PRKCA: variants seen among roughly 807,000 people sequenced by gnomAD.
The protein encoded by PRKCA is protein kinase C alpha.
PRKCA carries 27 observed loss-of-function variants against 87.0 expected under a neutral mutation model. The ratio of observed to expected loss-of-function variants is 0.31; its 90% CI spans 0.23 to 0.43. The LOEUF (loss-of-function observed/expected upper bound fraction) is 0.43, where lower values mean the gene tolerates loss of function less well. Among genes scored for constraint, PRKCA ranks in the 20% least tolerant of loss-of-function variants. The pLI is 1.00. For missense variants in PRKCA, 518 were observed against 852.3 expected (o/e 0.61, Z 4.88); for synonymous variants, 329 against 311.1 (o/e 1.06, Z -0.61).
At chr17:66,578,376 C>T (rs572881282) in intron 3 of PRKCA, among the ~76,000 whole-genome samples, 88 of 152,220 alleles carry the variant, frequency 5.8e-4, no homozygotes, top group Non-Finnish European at 1.1e-3. Context: ...AGCCTGAAGT[C>T]CTTGGCGAAG....
At chr17:66,408,791 C>T (rs555193626) in intron 2 of PRKCA, among the ~76,000 whole-genome samples, 1 of 152,142 alleles carries the variant, frequency 6.6e-6, no homozygotes, top group Non-Finnish European at 1.5e-5. Flanking sequence ...CGGTGGCTTG[C>T]ACCTGTAATC....
At chr17:66,581,051 A>C (rs1334996203) in intron 3 of PRKCA, among the ~76,000 whole-genome samples, 1 of 152,236 alleles carries the variant, frequency 6.6e-6, no homozygotes. Flanking sequence ...CATGCTTGGC[A>C]CAGAGCCACT....
chr17:66,354,358 C>T (rs1445366009), intron 2 of PRKCA, among the ~76,000 whole-genome samples: 6 of 152,216 alleles, frequency 3.9e-5, no homozygotes, highest in Non-Finnish European at 7.3e-5. Context: ...TCTGGGTCCT[C>T]ACCTCTGCAT....
chr17:66,562,595 G>T (rs183453), intron 3 of PRKCA, among the ~76,000 whole-genome samples: 13,691 of 117,164 alleles, frequency 0.12, 690 homozygotes, highest in East Asian at 0.21. Context: ...GTTTTTTTTT[G>T]TTGTTGTTGT....
rs755594670 is a variant in PRKCA, at chr17:66,560,131, G to A, written c.288+63848G>A. Among the ~76,000 whole-genome samples, 23 of 152,170 alleles carry A rather than the reference G, an allele frequency of 1.5e-4. 2 individuals carry two copies. Among genetic ancestry groups the A allele is most frequent in the South Asian group, 1.0e-3 (5 of 4,832 alleles). Reference sequence around the variant, plus strand: ...AAATGGTGATCAATCCCTGTGCATTGGAGAGCTGATGGGGGTGTGCTTGGC... The same window carrying A: ...AAATGGTGATCAATCCCTGTGCATTAGAGAGCTGATGGGGGTGTGCTTGGC... On this transcript the variant is annotated intron_variant, in intron 3 of 16. Transcript: ENST00000413366.
At chr17:66,392,455 CA>C (rs993728001) in intron 2 of PRKCA, among the ~76,000 whole-genome samples, 9 of 152,144 alleles carry the variant, frequency 5.9e-5, no homozygotes, top group African/African-American at 2.2e-4. Flanking sequence ...ACTATCTCCT[CA>C]AAAAACTCAT....
chr17:66,480,392 G>A (rs1264920869), intron 2 of PRKCA, among the ~76,000 whole-genome samples: 1 of 152,076 alleles, frequency 6.6e-6, no homozygotes, highest in African/African-American at 2.4e-5. Context: ...GTGTATTATG[G>A]CTTCTTTTTG....
chr17:66,459,997 C>T (rs918735727), intron 2 of PRKCA, among the ~76,000 whole-genome samples: 6 of 152,244 alleles, frequency 3.9e-5, no homozygotes, highest in African/African-American at 1.4e-4. Context: ...TTTTCCATCC[C>T]GCTCACTGGA....
intron 2 of PRKCA, among the ~76,000 whole-genome samples, chr17:66,411,784 G>T (rs1392968550): frequency 6.6e-6 from 1 of 152,104 alleles, no homozygotes; most frequent in Non-Finnish European, 1.5e-5. Context: ...TCACTTGAGA[G>T]TGGCCTTGAT....
intron 2 of PRKCA, among the ~76,000 whole-genome samples, chr17:66,390,712 A>G (rs1203389402): frequency 6.6e-6 from 1 of 152,216 alleles, no homozygotes; most frequent in African/African-American, 2.4e-5. Context: ...AAGGAGCTTC[A>G]TGGGGACTTC....
At chr17:66,433,041 C>CG (rs956743825) in intron 2 of PRKCA, among the ~76,000 whole-genome samples, 1 of 152,024 alleles carries the variant, frequency 6.6e-6, no homozygotes, top group Admixed American at 6.6e-5. Context: ...TGCAGTTAGC[C>CG]GGGGGGAAGG....
Position 66,788,821 on chromosome 17 carries a change from T to C in PRKCA, c.1714-18T>C, listed in dbSNP as rs73994621. ...CCCTTGACATCCATTGTTCTCCTTT[T>C]CTCCTTTTCCTTTCTAGCTGATGAC... On this transcript the variant is annotated intron_variant, in intron 15 of 16. Coordinates refer to ENST00000413366, the MANE Select transcript of PRKCA (RefSeq NM_002737.3). 148,153 of 1,608,214 alleles carry C rather than the reference T, an allele frequency of 0.092. 9,414 individuals are homozygous for C. The highest frequency in any genetic ancestry group is 0.32 in the African/African-American group (23,587 of 74,168).
chr17:66,452,968 C>T (rs538405573), intron 2 of PRKCA, among the ~76,000 whole-genome samples: 1 of 152,362 alleles, frequency 6.6e-6, no homozygotes, highest in South Asian at 2.1e-4. Flanking sequence ...CCCCATTGAG[C>T]TTGTAGCATC....
chr17:66,311,733 G>A (rs1292590178), intron 2 of PRKCA, among the ~76,000 whole-genome samples: 2 of 152,216 alleles, frequency 1.3e-5, no homozygotes, highest in Non-Finnish European at 2.9e-5. Flanking sequence ...CTAGTGTTGA[G>A]TGTTCCCATT....
At chr17:66,450,231 C>T (rs1914242047) in intron 2 of PRKCA, among the ~76,000 whole-genome samples, 1 of 152,076 alleles carries the variant, frequency 6.6e-6, no homozygotes, top group Admixed American at 6.6e-5. Context: ...CGGGGGCCAG[C>T]AGAGCCAAGT....
intron 2 of PRKCA, among the ~76,000 whole-genome samples, chr17:66,357,039 C>T (rs1263709734): frequency 2.6e-5 from 4 of 152,176 alleles, no homozygotes; most frequent in Non-Finnish European, 4.4e-5. Context: ...GGATTATAGG[C>T]GTGAGCCACC....
intron 2 of PRKCA, among the ~76,000 whole-genome samples, chr17:66,495,212 G>A (rs1256239931): frequency 6.6e-6 from 1 of 152,100 alleles, no homozygotes; most frequent in Non-Finnish European, 1.5e-5. Flanking sequence ...TATTTACTGG[G>A]TAGTAGATTT....
At chr17:66,554,911 A>C (rs1598764633) in intron 3 of PRKCA, among the ~76,000 whole-genome samples, 1 of 138,416 alleles carries the variant, frequency 7.2e-6, no homozygotes. Context: ...ACAGGGTCTC[A>C]CTCTGTCGCC....
At chr17:66,778,098 C>A in intron 14 of PRKCA, 1 of 985,450 alleles carries the variant, frequency 1.0e-6, no homozygotes, top group Non-Finnish European at 1.2e-6. Flanking sequence ...TGGAGAGCAC[C>A]AGGCTCCAGC....
Sources: allele counts gnomAD v4.1 joint callset (sites outside exome capture counted in the v4.1 genomes callset), GRCh38; gene constraint gnomAD v4.1.1; transcripts MANE v1.5; gene names NCBI Gene and HGNC (gene_info 2026-07-23, HGNC 2026-07-21).